Variants in SCYL2 observed in about 807,000 individuals in gnomAD.
SCYL2 encodes SCY1 like pseudokinase 2.
A neutral mutation model predicts 100.4 loss-of-function variants in SCYL2; 36 were observed. The ratio of observed to expected loss-of-function variants is 0.36; its 90% CI spans 0.27 to 0.47. The LOEUF is 0.47. SCYL2 is among the 20% of genes least tolerant of loss of function. The pLI is 1.00. For synonymous variants in SCYL2, 330 were observed against 359.2 expected, an observed-to-expected ratio of 0.92 and a Z score of 0.92; for missense variants, 902 against 1,083.9, an observed-to-expected ratio of 0.83 and a Z score of 2.36.
intron 11 of SCYL2, among the ~76,000 whole-genome samples, chr12:100,325,519 C>T (rs2096360720): frequency 1.3e-5 from 2 of 152,000 alleles, no homozygotes; most frequent in Admixed American, 6.6e-5. Context: ...ATAGGAATTC[C>T]CAAATTGTAT....
chr12:100,273,734 T>TC (rs1555315901), intron 1 of SCYL2, among the ~76,000 whole-genome samples: 1 of 152,166 alleles, frequency 6.6e-6, no homozygotes, highest in Non-Finnish European at 1.5e-5. Flanking sequence ...GAATACTCCT[T>TC]CCCCCCTTAC....
intron 12 of SCYL2, among the ~76,000 whole-genome samples, chr12:100,328,928 G>C (rs1419927277): frequency 6.6e-6 from 1 of 152,130 alleles, no homozygotes. Flanking sequence ...ATTGAACCTG[G>C]TTCTGATAAG....
In SCYL2 at chr12:100,291,620, C is replaced by T; in HGVS notation, c.295C>T (p.Pro99Ser). Reference sequence around the variant, plus strand: ...CCAACAGTTAACTCGGCTTCGACACCCTCGACTTCTTACTGTCCAGCATCC... The same window carrying T: ...CCAACAGTTAACTCGGCTTCGACACTCTCGACTTCTTACTGTCCAGCATCC... ...GVQQLTRLRH[P>S]RLLTVQHPLE... Residue 99 changes from proline to serine, a missense_variant, in exon 3 of 18, where the codon CCT (proline) becomes TCT (serine). Physicochemically the swap from Pro to Ser is moderately conservative, Grantham distance 74. Transcript: ENST00000360820. The T allele has an allele frequency of 6.3e-7, 1 of 1,598,992 alleles. No homozygotes were observed. The highest frequency in any genetic ancestry group is 8.5e-7 in the Non-Finnish European group (1 of 1,175,162).
intron 12 of SCYL2, 118 bp from the exon 13 acceptor site, chr12:100,329,083 T>C (rs1271049464): frequency 5.2e-6 from 3 of 572,648 alleles, no homozygotes; most frequent in Non-Finnish European, 9.5e-6. Flanking sequence ...TAGGCATTGA[T>C]TGGGAAAAAC....
At chr12:100,293,189 T>C (rs1407213032) in intron 3 of SCYL2, among the ~76,000 whole-genome samples, 2 of 152,072 alleles carry the variant, frequency 1.3e-5, no homozygotes, top group African/African-American at 4.8e-5. Context: ...ACTCCCGAGC[T>C]TGTGTGATCC....
At chr12:100,314,681 A>G (rs1237345350) in intron 8 of SCYL2, 67 bp downstream of exon 8, 2 of 1,366,796 alleles carry the variant, frequency 1.5e-6, no homozygotes. Flanking sequence ...TTGACTTACT[A>G]CCATAACTCT....
At chr12:100,289,061 A>G (rs993988566) in intron 2 of SCYL2, among the ~76,000 whole-genome samples, 1 of 152,104 alleles carries the variant, frequency 6.6e-6, no homozygotes, top group Non-Finnish European at 1.5e-5. Flanking sequence ...AAGACTTACT[A>G]AAATAAGATT....
Position 100,310,204 on chromosome 12 carries a change from G to A in SCYL2, c.481-840G>A, listed in dbSNP as rs964309279. Among the ~76,000 whole-genome samples, 4 of 152,268 alleles carry A rather than the reference G, an allele frequency of 2.6e-5. 1 individual carries two copies. The highest frequency in any genetic ancestry group is 6.8e-3 in the Middle Eastern group (2 of 294). Reference sequence around the variant, plus strand: ...AGTATTGACGGGGTTTCCCCATGTTGGCTAGGCTGGTCTCGAACTCCTGAC... The same window carrying A: ...AGTATTGACGGGGTTTCCCCATGTTAGCTAGGCTGGTCTCGAACTCCTGAC... On this transcript the variant is annotated intron_variant, in intron 4 of 17. Transcript: ENST00000360820.
intron 3 of SCYL2, among the ~76,000 whole-genome samples, chr12:100,293,880 G>T (rs922155357): frequency 3.3e-5 from 5 of 152,170 alleles, no homozygotes; most frequent in Non-Finnish European, 7.4e-5. Context: ...CAAGGCAGAA[G>T]AATTTTTCTT....
Position 100,282,926 on chromosome 12 carries a change from T to C in SCYL2, c.-28-17T>C, listed in dbSNP as rs755385771. Reference sequence around the variant, plus strand: ...ATAAGAAATGATCAGTTCTCCACTATCCTTCTGTTTTTCTAGGTAACTATA... The same window carrying C: ...ATAAGAAATGATCAGTTCTCCACTACCCTTCTGTTTTTCTAGGTAACTATA... On this transcript the variant is annotated splice_polypyrimidine_tract_variant and intron_variant, in intron 1 of 17. Coordinates refer to ENST00000360820, the MANE Select transcript of SCYL2 (RefSeq NM_017988.6). 2 of 1,270,534 alleles carry C rather than the reference T, an allele frequency of 1.6e-6. No homozygotes were observed. The highest frequency in any genetic ancestry group is 2.4e-5 in the East Asian group (1 of 42,536). The allele number at this position is 1,270,534 out of a possible 1,614,324, so 78.7% of individuals were successfully genotyped here. A position where few individuals can be genotyped will look rare whatever the true frequency, so the allele number is the denominator to read the frequency against.
chr12:100,296,769 C>A, intron 3 of SCYL2: 1 of 150,512 alleles, frequency 6.6e-6, no homozygotes, highest in Admixed American at 6.6e-5. Flanking sequence ...CAGTACAGTT[C>A]AACAAAAGCA....
At chr12:100,308,952 A>G (rs1419138651) in intron 4 of SCYL2, among the ~76,000 whole-genome samples, 2 of 152,148 alleles carry the variant, frequency 1.3e-5, no homozygotes, top group African/African-American at 4.8e-5. Flanking sequence ...TCTATGCTGT[A>G]CATCCCCAGT....
chr12:100,303,066 T>G (rs1311572555), intron 4 of SCYL2, among the ~76,000 whole-genome samples: 3 of 152,094 alleles, frequency 2.0e-5, no homozygotes, highest in African/African-American at 7.2e-5. Flanking sequence ...TTGTGTATGC[T>G]TCACGAAGTT....
chr12:100,309,878 A>G (rs2096340021), intron 4 of SCYL2, among the ~76,000 whole-genome samples: 1 of 152,232 alleles, frequency 6.6e-6, no homozygotes, highest in Admixed American at 6.5e-5. Flanking sequence ...TATTCCCACC[A>G]ACAGTACACA....
In SCYL2 at chr12:100,326,608, A is replaced by G; in HGVS notation, c.1510-14A>G. 6.4e-7 allele frequency: 1 copy of G among 1,559,342 alleles called. No individual in the cohort carries two copies. On this transcript the variant is annotated splice_polypyrimidine_tract_variant and intron_variant, in intron 11 of 17. Coordinates refer to ENST00000360820, the MANE Select transcript of SCYL2 (RefSeq NM_017988.6). ...AAACTTTTAATGACTAATGCAATTT[A>G]CCTCTTTTAATAGGTTCGTGTAAAT...
At chr12:100,311,359 A>G (rs546861295) in intron 5 of SCYL2, among the ~76,000 whole-genome samples, 166 bp downstream of exon 5, 2 of 152,284 alleles carry the variant, frequency 1.3e-5, no homozygotes, top group South Asian at 4.1e-4. Flanking sequence ...GCACATTACT[A>G]CCACAGTAGT....
chr12:100,274,766 C>T (rs1056760422), intron 1 of SCYL2, among the ~76,000 whole-genome samples: 1 of 152,194 alleles, frequency 6.6e-6, no homozygotes, highest in African/African-American at 2.4e-5. Flanking sequence ...GACTTGTTCT[C>T]AGGCAAATCA....
intron 1 of SCYL2, among the ~76,000 whole-genome samples, chr12:100,279,705 G>A (rs2096296100): frequency 6.6e-6 from 1 of 152,126 alleles, no homozygotes; most frequent in Non-Finnish European, 1.5e-5. Context: ...GTTCTTACAG[G>A]TTTCTGCTGA....
At chr12:100,334,145 A>G (rs1790891382) in intron 13 of SCYL2, 21 bp from the exon 14 acceptor site, 2 of 1,336,956 alleles carry the variant, frequency 1.5e-6, no homozygotes, top group South Asian at 1.2e-5. Context: ...TTGTAACCAT[A>G]TCAATTTCTC....
Sources: gnomAD v4.1 joint callset for allele counts (sites outside exome capture counted in the v4.1 genomes callset) on GRCh38, gnomAD v4.1.1 for gene constraint, MANE v1.5 for transcripts, NCBI Gene and HGNC (gene_info 2026-07-23, HGNC 2026-07-21) for gene names.